ERC2: variants seen among roughly 807,000 people sequenced by gnomAD.
ERC2 encodes the protein ELKS/RAB6-interacting/CAST family member 2, also known as ERC protein 2.
Under a neutral mutation model 114.8 loss-of-function variants are expected in ERC2, and 42 were observed. The ratio of observed to expected loss-of-function variants is 0.37; its 90% CI spans 0.29 to 0.47. The LOEUF (loss-of-function observed/expected upper bound fraction) is 0.47, where lower values mean the gene tolerates loss of function less well. Among genes scored for constraint, ERC2 ranks in the 20% least tolerant of loss-of-function variants. The pLI is 0.99. For synonymous variants in ERC2, 454 were observed against 425.5 expected (o/e 1.07, Z -0.82); for missense variants, 939 against 1,150.7 (o/e 0.82, Z 2.66).
chr3:55,773,549 G>A (rs918572614), intron 14 of ERC2, among the ~76,000 whole-genome samples: 1 of 152,180 alleles, frequency 6.6e-6, no homozygotes, highest in Non-Finnish European at 1.5e-5. Context: ...TATGAGACAA[G>A]CTAATACTCA....
At chr3:56,262,990 A>C (rs948851853) in intron 3 of ERC2, among the ~76,000 whole-genome samples, 6 of 152,238 alleles carry the variant, frequency 3.9e-5, no homozygotes, top group Non-Finnish European at 5.9e-5. Flanking sequence ...ATGTTTTCAG[A>C]ACAGGAAGCT....
chr3:55,811,256 A>T (rs748555922), intron 14 of ERC2, among the ~76,000 whole-genome samples: 1 of 152,234 alleles, frequency 6.6e-6, no homozygotes, highest in Non-Finnish European at 1.5e-5. Context: ...TAAATGTGCC[A>T]TATCAAGCAT....
chr3:56,407,684 C>G (rs1011537010), intron 2 of ERC2, among the ~76,000 whole-genome samples: 1 of 152,100 alleles, frequency 6.6e-6, no homozygotes, highest in Non-Finnish European at 1.5e-5. Context: ...TAATTTCCAC[C>G]CTGACTGCAC....
chr3:56,290,459 C>T (rs80255589), intron 3 of ERC2, among the ~76,000 whole-genome samples: 1,846 of 152,150 alleles, frequency 0.012, 32 homozygotes, highest in African/African-American at 0.04. Flanking sequence ...TGTAAAAGAT[C>T]GTGTATATAA....
intron 3 of ERC2, among the ~76,000 whole-genome samples, chr3:56,272,168 A>C (rs2053696750): frequency 6.6e-6 from 1 of 152,196 alleles, no homozygotes; most frequent in Non-Finnish European, 1.5e-5. Flanking sequence ...ATCACCACCA[A>C]AATAAAAATC....
intron 7 of ERC2, among the ~76,000 whole-genome samples, chr3:56,051,070 T>A (rs2075739196): frequency 6.6e-6 from 1 of 152,172 alleles, no homozygotes; most frequent in Non-Finnish European, 1.5e-5. Flanking sequence ...AAAAGTACTT[T>A]CTACCCAACA....
At chr3:55,627,883 CTTTTTTTTTTTTT>C (rs10714648) in intron 17 of ERC2, among the ~76,000 whole-genome samples, 2 of 82,576 alleles carry the variant, frequency 2.4e-5, no homozygotes, top group Admixed American at 1.4e-4. Context: ...GGACTTGGTG[CTTTTTTTTTTTTT>C]TTTTTTTTTG....
At chr3:55,640,052 G>C (rs2060112750) in intron 17 of ERC2, among the ~76,000 whole-genome samples, 1 of 152,156 alleles carries the variant, frequency 6.6e-6, no homozygotes, top group Non-Finnish European at 1.5e-5. Context: ...GGGGAAGCTT[G>C]CTCTGCATGA....
chr3:55,605,071 AG>A (rs1175080025), intron 17 of ERC2, among the ~76,000 whole-genome samples: 2 of 152,224 alleles, frequency 1.3e-5, no homozygotes, highest in African/African-American at 2.4e-5. Flanking sequence ...ATCTGTTTGC[AG>A]AATAAATCAA....
At chr3:56,312,531 C>G (rs1037165554) in intron 2 of ERC2, among the ~76,000 whole-genome samples, 7 of 152,114 alleles carry the variant, frequency 4.6e-5, no homozygotes, top group Admixed American at 4.6e-4. Flanking sequence ...AGTATTTACC[C>G]TAATTTGATC....
intron 6 of ERC2, 148 bp downstream of exon 6, chr3:56,139,361 C>G: frequency 1.4e-6 from 1 of 740,286 alleles, no homozygotes; most frequent in Non-Finnish European, 2.1e-6. Flanking sequence ...TGCATCTCAC[C>G]TTTCTGAAAG....
intron 2 of ERC2, among the ~76,000 whole-genome samples, chr3:56,425,000 G>C (rs2061512093): frequency 6.6e-6 from 1 of 152,298 alleles, no homozygotes; most frequent in African/African-American, 2.4e-5. Flanking sequence ...GCCCCACTAT[G>C]ACTGATAAGC....
chr3:56,057,714 G>A (rs1269308773), intron 7 of ERC2, among the ~76,000 whole-genome samples: 9 of 152,150 alleles, frequency 5.9e-5, no homozygotes, highest in African/African-American at 1.7e-4. Flanking sequence ...GGTGGATGCC[G>A]ATCTAGGCAC....
chr3:56,448,018 C>G (rs536932199), intron 1 of ERC2, among the ~76,000 whole-genome samples: 1 of 152,262 alleles, frequency 6.6e-6, no homozygotes, highest in Non-Finnish European at 1.5e-5. Context: ...GCTAGGATTA[C>G]AGGTGTGAGC....
chr3:56,396,973 G>A (rs532499783), intron 2 of ERC2, among the ~76,000 whole-genome samples: 4 of 152,186 alleles, frequency 2.6e-5, no homozygotes, highest in Non-Finnish European at 5.9e-5. Flanking sequence ...TCAAGCCACT[G>A]AAGAGTAATC....
intron 12 of ERC2, among the ~76,000 whole-genome samples, chr3:55,952,182 C>CTATA (rs1559923074): frequency 4.2e-5 from 3 of 71,478 alleles, no homozygotes; most frequent in African/African-American, 5.7e-5. Context: ...CACACACACT[C>CTATA]TCTCTCTCTC....
intron 2 of ERC2, among the ~76,000 whole-genome samples, chr3:56,311,923 C>T (rs559938453): frequency 3.3e-5 from 5 of 150,242 alleles, no homozygotes; most frequent in South Asian, 2.1e-4. Flanking sequence ...CAACTAACCA[C>T]GGGTTAAAAA....
chr3:56,009,210 G>A (rs963057483), intron 9 of ERC2, among the ~76,000 whole-genome samples: 13 of 152,246 alleles, frequency 8.5e-5, no homozygotes, highest in African/African-American at 3.1e-4. Flanking sequence ...CTTGCAACCG[G>A]TGAAGAATGC....
chr3:55,663,753 T>A (rs898380782), intron 17 of ERC2, among the ~76,000 whole-genome samples: 1 of 152,244 alleles, frequency 6.6e-6, no homozygotes, highest in Admixed American at 6.5e-5. Context: ...AAATTTACTT[T>A]GGATTTACCA....
Sources: allele counts gnomAD v4.1 joint callset (sites outside exome capture counted in the v4.1 genomes callset), GRCh38; gene constraint gnomAD v4.1.1; transcripts MANE v1.5; gene names NCBI Gene and HGNC (gene_info 2026-07-23, HGNC 2026-07-21).